The following ARHGEF1 variants were observed in gnomAD, a reference collection of about 807,000 sequenced individuals.
ARHGEF1 encodes Rho guanine nucleotide exchange factor 1.
In ARHGEF1, 40 loss-of-function variants were observed where a neutral mutation model predicts 119.7. That is an observed-to-expected ratio of 0.33 (90% CI 0.26 to 0.44). The LOEUF is 0.44. Ranked by LOEUF, ARHGEF1 falls within the 20% of genes least tolerant of loss-of-function variation. The pLI, the probability that ARHGEF1 is intolerant of heterozygous loss-of-function variation, is 1.00. For synonymous variants in ARHGEF1, 494 were observed against 521.0 expected, an observed-to-expected ratio of 0.95 and a Z score of 0.71; for missense variants, 976 against 1,268.3, an observed-to-expected ratio of 0.77 and a Z score of 3.50.
upstream of ARHGEF1, chr19:41,923,076 C>CT: frequency 2.2e-6 from 1 of 451,208 alleles, no homozygotes; most frequent in South Asian, 1.6e-5. Context: ...TGACCCAGGC[C>CT]TTTTGCTTCC....
Position 41,895,411 on chromosome 19 carries a change from A to G in ARHGEF1, c.940A>G (p.Ile314Val). The G allele has an allele frequency of 6.2e-7, 1 of 1,612,518 alleles. No homozygotes were observed. The highest frequency in any genetic ancestry group is 8.5e-7 in the Non-Finnish European group (1 of 1,179,498). Reference sequence around the variant, plus strand: ...GGGGATGCCCTCTCGGGACCGGAATATCGGGGCTCCTGGGCAGGACACCCC... The same window carrying G: ...GGGGATGCCCTCTCGGGACCGGAATGTCGGGGCTCCTGGGCAGGACACCCC... ...GVGMPSRDRN[I>V]GAPGQDTPGV... The change falls in exon 12 of 29, where the codon ATC becomes GTC. Residue 314 changes from isoleucine (I) to valine (V), a missense_variant. Ile to Val is a conservative substitution (Grantham distance 29). Coordinates refer to ENST00000354532, the MANE Select transcript of ARHGEF1 (RefSeq NM_004706.4).
intron 1 of ARHGEF1, among the ~76,000 whole-genome samples, chr19:41,925,539 G>A (rs1425113176): frequency 2.6e-5 from 4 of 152,126 alleles, no homozygotes; most frequent in Non-Finnish European, 5.9e-5. Flanking sequence ...ACAAGGGACC[G>A]GGAAACTCTG....
intron 1 of ARHGEF1, chr19:41,884,418 TG>T: frequency 6.3e-7 from 1 of 1,592,676 alleles, no homozygotes. Flanking sequence ...GCGGCAGGGG[TG>T]GGGAGAGTGC....
chr19:41,913,017 T>A, intron 18 of ARHGEF1: 1 of 532,534 alleles, frequency 1.9e-6, no homozygotes, highest in Admixed American at 4.4e-5. Context: ...GCCCGGGGCC[T>A]TCCCCTCTCC....
upstream of ARHGEF1, among the ~76,000 whole-genome samples, chr19:41,921,850 C>A (rs997121086): frequency 7.2e-5 from 11 of 151,868 alleles, no homozygotes; most frequent in African/African-American, 2.4e-4. The surrounding 1 kb of genome is among the most constrained non-coding windows in gnomAD (Gnocchi z 4.4). Flanking sequence ...GGGAGTCCGA[C>A]CCATCCCAGC....
In ARHGEF1 at chr19:41,891,481, G is replaced by A. The variant is rs565515615; in HGVS notation, c.226-544G>A. ...TTATTTTTAGTAGAGACAGGGTTTCGCCATGTTGGCCTGGCCGGTCACAAA... is the reference window on the plus strand; with the variant it reads ...TTATTTTTAGTAGAGACAGGGTTTCACCATGTTGGCCTGGCCGGTCACAAA... On this transcript the variant is annotated intron_variant, in intron 4 of 28. Coordinates refer to ENST00000354532, the MANE Select transcript of ARHGEF1 (RefSeq NM_004706.4). Among the ~76,000 whole-genome samples the A allele has an allele frequency of 3.9e-3, 600 of 152,116 alleles. 3 individuals carry two copies. The highest frequency in any genetic ancestry group is 0.014 in the African/African-American group (588 of 41,474).
chr19:41,901,905 C>T lies in ARHGEF1; in HGVS notation c.1286C>T (p.Ala429Val), dbSNP rs782694405. The T allele has an allele frequency of 3.1e-6, 5 of 1,611,190 alleles. No homozygotes were observed. The highest frequency in any genetic ancestry group is 1.3e-5 in the African/African-American group (1 of 75,030). ...EVISELLVTEAAHVRMLRVLH... is the reference protein window; with the variant it reads ...EVISELLVTEVAHVRMLRVLH... ...CCTGCAGAGCTGCTGGTGACAGAGG[C>T]GGCCCACGTGCGCATGCTGCGGGTG... Residue 429 changes from alanine (A) to valine (V), a missense_variant, in exon 15 of 29, where the codon GCG (alanine) becomes GTG (valine). Around this residue, in one of 3 missense-constraint regions of ARHGEF1, gnomAD observed 286 missense variants for 506.8 expected, o/e 0.56. Transcript: ENST00000354532.
rs782100707 is a variant in ARHGEF1 at position 41,902,773 on chromosome 19, G to GT, written c.1624-8dup. 1.3e-5 allele frequency: 21 copies of GT among 1,613,158 alleles called. No homozygotes were observed. In the Middle Eastern group the frequency reaches 4.9e-4, roughly 38 times the overall value. On this transcript the variant is annotated splice_polypyrimidine_tract_variant and intron_variant, in intron 17 of 28. Transcript: ENST00000354532. The surrounding 1 kb of genome is among the most constrained non-coding windows in gnomAD (Gnocchi z 6.5). ...GCCTGGGCCATCGCAACACCAGCAT[G>GT]TTTCCCGCAGGAAGCTGAGAGCCGC...
At chr19:41,896,940 C>T (rs1555847850) in intron 13 of ARHGEF1, 1 of 353,288 alleles carries the variant, frequency 2.8e-6, no homozygotes, top group East Asian at 8.2e-5. Flanking sequence ...CTCACCTCCC[C>T]CCTCCTCTCT....
chr19:41,920,007 ACTCACAGACATGACGCG>A (rs1342744692), upstream of ARHGEF1, among the ~76,000 whole-genome samples: 81 of 135,748 alleles, frequency 6.0e-4, no homozygotes, highest in African/African-American at 2.1e-3. Context: ...GACATGACGA[ACTCACAGACATGACGCG>A]CTCACAGACA....
chr19:41,906,828 G>C lies in ARHGEF1; in HGVS notation c.*17+25G>C. On this transcript the variant is annotated intron_variant, in intron 28 of 28. Transcript: ENST00000354532. This position sits in a 1 kb window ranked among gnomAD's most constrained non-coding sequence, Gnocchi z 4.5. ...GGTGAGTGGGGCACCTGGGGGCCAG[G>C]GCGCTGTCCTGAAAGGAGGGTCCCC... The C allele has an allele frequency of 6.4e-7, 1 of 1,568,858 alleles. No homozygotes were observed.
At chr19:41,924,494 G>A (rs559658487) in intron 1 of ARHGEF1, among the ~76,000 whole-genome samples, 4 of 152,112 alleles carry the variant, frequency 2.6e-5, no homozygotes, top group East Asian at 3.9e-4. Flanking sequence ...CTTAGTAATC[G>A]GGAGCTGTCA....
Position 41,898,430 on chromosome 19 carries a change from C to A in ARHGEF1, c.1122-12C>A. 1 of 1,548,100 alleles carries A rather than the reference C, an allele frequency of 6.5e-7. No individual in the cohort carries two copies. Among genetic ancestry groups the A allele is most frequent in the South Asian group, 1.2e-5 (1 of 83,718 alleles). The stretch of plus-strand genomic sequence containing the variant: ...GCCCAAGCTGGGGCCCTAACAAGGC[C>A]TCTGTCCACAGCCCCGAGCCTGGAG... On this transcript the variant is annotated splice_polypyrimidine_tract_variant and intron_variant, in intron 13 of 28. Transcript: ENST00000354532.
chr19:41,883,276 C>T lies in ARHGEF1; in HGVS notation c.-33C>T, dbSNP rs559692926. ...CCTCGGGCGCCCCGCCGGTCACCTC[C>T]GCGCGGACACCAGGTACTCGGTCCC... On this transcript the variant is annotated 5_prime_UTR_variant, in exon 1 of 29. Transcript: ENST00000354532. This position sits in a 1 kb window ranked among gnomAD's most constrained non-coding sequence, Gnocchi z 7.6. The T allele has an allele frequency of 7.7e-5, 15 of 193,842 alleles. No individual in the cohort carries two copies. Among genetic ancestry groups the T allele is most frequent in the East Asian group, 1.9e-4 (1 of 5,394 alleles). The allele number at this position is 193,842 out of a possible 1,614,324, so 12.0% of individuals were successfully genotyped here. A position where few individuals can be genotyped will look rare whatever the true frequency, so the allele number is the denominator to read the frequency against.
downstream of ARHGEF1, chr19:41,909,999 C>A: frequency 6.2e-7 from 1 of 1,613,760 alleles, no homozygotes. The surrounding 1 kb of genome is among the most constrained non-coding windows in gnomAD (Gnocchi z 5.2). Flanking sequence ...CCCTGGTACT[C>A]CTCCTTCTGC....
chr19:41,895,540 T>C (rs954341766), intron 12 of ARHGEF1, 54 bp downstream of exon 12: 25 of 1,529,754 alleles, frequency 1.6e-5, no homozygotes, highest in Non-Finnish European at 2.1e-5. Context: ...AGGGTGGGGG[T>C]GCTGCCTGCC....
intron 1 of ARHGEF1, chr19:41,928,523 ACTC>A (rs1486545872): frequency 1.3e-5 from 2 of 155,072 alleles, no homozygotes; most frequent in African/African-American, 2.5e-5. Context: ...TCCTCCCTCC[ACTC>A]CTCTGCGCGC....
Position 41,904,481 on chromosome 19 carries a change from C to T in ARHGEF1, c.2161+98C>T. On this transcript the variant is annotated intron_variant, in intron 22 of 28. Coordinates refer to ENST00000354532, the MANE Select transcript of ARHGEF1 (RefSeq NM_004706.4). The surrounding 1 kb of genome is among the most constrained non-coding windows in gnomAD (Gnocchi z 8.4). ...CAGAACCCTCTAGAGAGCCAGGGAG[C>T]CAGCATTCTAGCAAAGAGGTTGAGA... 1 of 1,368,756 alleles carries T rather than the reference C, an allele frequency of 7.3e-7. No homozygotes were observed. Among genetic ancestry groups the T allele is most frequent in the Non-Finnish European group, 9.7e-7 (1 of 1,032,726 alleles). The allele number at this position is 1,368,756 out of a possible 1,614,324, so 84.8% of individuals were successfully genotyped here. A position where few individuals can be genotyped will look rare whatever the true frequency, so the allele number is the denominator to read the frequency against.
chr19:41,915,945 C>G (rs912981088), intron 18 of ARHGEF1, among the ~76,000 whole-genome samples: 7 of 152,132 alleles, frequency 4.6e-5, no homozygotes, highest in African/African-American at 9.7e-5. Flanking sequence ...CCCCTCCCCC[C>G]CGCCGGCCGG....
Sources: gnomAD v4.1 joint callset for allele counts (sites outside exome capture counted in the v4.1 genomes callset) on GRCh38, gnomAD v4.1.1 for gene constraint, gnomAD v4.1.1 regional missense constraint, Gnocchi (gnomAD v3.1) non-coding constraint, MANE v1.5 for transcripts, NCBI Gene and HGNC (gene_info 2026-07-23, HGNC 2026-07-21) for gene names.